Variants in CUL3 observed in about 807,000 individuals in gnomAD.
CUL3 encodes the protein cullin-3.
A neutral mutation model predicts 89.1 loss-of-function variants in CUL3; 19 were observed. The ratio of observed to expected loss-of-function variants is 0.21; its 90% CI spans 0.15 to 0.31. CUL3 has a LOEUF of 0.31. Ranked by LOEUF, CUL3 falls within the 10% of genes least tolerant of loss-of-function variation. The pLI is 1.00. For missense variants in CUL3, 469 were observed against 942.3 expected, an observed-to-expected ratio of 0.50 and a Z score of 6.58; for synonymous variants, 351 against 308.4, an observed-to-expected ratio of 1.14 and a Z score of -1.45.
At chr2:224,582,067 C>A (rs1456324876) in intron 1 of CUL3, among the ~76,000 whole-genome samples, 1 of 152,014 alleles carries the variant, frequency 6.6e-6, no homozygotes, top group South Asian at 2.1e-4. Flanking sequence ...CAGGTTCAAG[C>A]GATTTTCCAG....
chr2:224,503,625 C>G (rs986008627), intron 9 of CUL3, 27 bp downstream of exon 9: 1 of 1,526,928 alleles, frequency 6.5e-7, no homozygotes, highest in Middle Eastern at 1.8e-4. Flanking sequence ...GTTAGGTGCA[C>G]TCTATTTCAT....
At chr2:224,494,768 A>G (rs1692106214) in intron 13 of CUL3, among the ~76,000 whole-genome samples, 1 of 152,346 alleles carries the variant, frequency 6.6e-6, no homozygotes, top group East Asian at 1.9e-4. Flanking sequence ...TCGTAGACAT[A>G]CATGTAAAAG....
In CUL3 at chr2:224,471,310, A is replaced by G. The variant is rs1353345142; in HGVS notation, c.*2935T>C. The G allele has an allele frequency of 9.8e-6, 2 of 204,376 alleles. No homozygotes were observed. The highest frequency in any genetic ancestry group is 3.8e-4 in the South Asian group (2 of 5,266). The allele number at this position is 204,376 out of a possible 1,614,324, so 12.7% of individuals were successfully genotyped here. ...GTTACAGTAGACAGGCAAAGATAAA[A>G]ATCTTTAACACTAGTTACTGAAAAT... On this transcript the variant is annotated 3_prime_UTR_variant, in exon 16 of 16. Coordinates refer to ENST00000264414, the MANE Select transcript of CUL3 (RefSeq NM_003590.5).
chr2:224,584,438 G>A (rs1292962405), intron 1 of CUL3, among the ~76,000 whole-genome samples: 1 of 152,138 alleles, frequency 6.6e-6, no homozygotes, highest in African/African-American at 2.4e-5. Flanking sequence ...ACTGCGTCGG[G>A]GGCAGGTTGA....
Position 224,471,734 on chromosome 2 carries a change from C to G in CUL3, c.*2511G>C. ...TCCCTAATTGCAATGAATTTTCAGTCTTTAAATAATGTTAACGATTCAAAA... is the reference window on the plus strand; with the variant it reads ...TCCCTAATTGCAATGAATTTTCAGTGTTTAAATAATGTTAACGATTCAAAA... On this transcript the variant is annotated 3_prime_UTR_variant, in exon 16 of 16. Coordinates refer to ENST00000264414, the MANE Select transcript of CUL3 (RefSeq NM_003590.5). 2 of 224,602 alleles carry G rather than the reference C, an allele frequency of 8.9e-6. No homozygotes were observed. Among genetic ancestry groups the G allele is most frequent in the Non-Finnish European group, 1.8e-5 (2 of 112,702 alleles). 13.9% of individuals were successfully genotyped at this position (224,602 alleles called of 1,614,324 possible). A position where few individuals can be genotyped will look rare whatever the true frequency, so the allele number is the denominator to read the frequency against.
At chr2:224,565,390 G>A (rs1208769605) in intron 1 of CUL3, among the ~76,000 whole-genome samples, 6 of 152,174 alleles carry the variant, frequency 3.9e-5, no homozygotes, top group Non-Finnish European at 7.3e-5. Context: ...GGGTGGCACA[G>A]GCACAAGAGA....
chr2:224,489,097 T>G (rs933651559), intron 13 of CUL3, among the ~76,000 whole-genome samples: 1 of 151,790 alleles, frequency 6.6e-6, no homozygotes, highest in Non-Finnish European at 1.5e-5. Flanking sequence ...AACTAGGTAT[T>G]GAACATATCT....
rs1313095002 is a variant in CUL3 at position 224,585,122 on chromosome 2, C to A, written c.-113G>T. 2 of 794,942 alleles carry A rather than the reference C, an allele frequency of 2.5e-6. No individual in the cohort carries two copies. The highest frequency in any genetic ancestry group is 3.4e-6 in the Non-Finnish European group (2 of 587,404). The allele number at this position is 794,942 out of a possible 1,614,324, so 49.2% of individuals were successfully genotyped here. ...ACGCTGGGGGCGGCGGCGGCGCGAC[C>A]CCCGGGCAGGGCTGGGGAGCTGGCC... On this transcript the variant is annotated 5_prime_UTR_variant, in exon 1 of 16. Coordinates refer to ENST00000264414, the MANE Select transcript of CUL3 (RefSeq NM_003590.5).
intron 5 of CUL3, among the ~76,000 whole-genome samples, chr2:224,512,315 C>G (rs1391302045): frequency 6.6e-6 from 1 of 152,086 alleles, no homozygotes; most frequent in African/African-American, 2.4e-5. Flanking sequence ...CCAGGATGGT[C>G]TCAATCTCCT....
intron 2 of CUL3, among the ~76,000 whole-genome samples, chr2:224,542,795 T>C (rs1485507550): frequency 1.3e-5 from 2 of 152,144 alleles, no homozygotes; most frequent in Non-Finnish European, 2.9e-5. Flanking sequence ...GTCAAATTAC[T>C]GGTAAAGAGA....
In CUL3 at chr2:224,502,813, A is replaced by T. The variant is rs1050162008; in HGVS notation, c.1485+152T>A. ...TAACATAAACACAGAATAAGAGGCA[A>T]TGTGAAGGAAAATTAAGTACTCACA... On this transcript the variant is annotated intron_variant, in intron 10 of 15. Coordinates refer to ENST00000264414, the MANE Select transcript of CUL3 (RefSeq NM_003590.5). 5.0e-6 allele frequency: 3 copies of T among 601,190 alleles called. No individual in the cohort carries two copies. In the African/African-American group the frequency reaches 5.5e-5, roughly 11 times the overall value. 37.2% of individuals were successfully genotyped at this position (601,190 alleles called of 1,614,324 possible).
At chr2:224,575,017 G>A (rs1234947566) in intron 1 of CUL3, among the ~76,000 whole-genome samples, 1 of 152,198 alleles carries the variant, frequency 6.6e-6, no homozygotes, top group African/African-American at 2.4e-5. Context: ...TTACTATAAT[G>A]CAGAAGACAG....
intron 14 of CUL3, chr2:224,479,580 A>T (rs1287775505): frequency 6.6e-6 from 1 of 152,210 alleles, no homozygotes. Flanking sequence ...TATGGGTGGT[A>T]AACAGATGAC....
In CUL3 at chr2:224,546,296, C is replaced by A. The variant is rs373332853; in HGVS notation, c.265-10655G>T. Among the ~76,000 whole-genome samples the A allele has an allele frequency of 1.1e-4, 17 of 152,236 alleles. No homozygotes were observed. In the East Asian group the frequency reaches 2.3e-3, roughly 21 times the overall value. ...TTGTTCTCGAGTACGATGGAAAAAACCACCATGGTTTCTCAAGATAACATG... is the reference window on the plus strand; with the variant it reads ...TTGTTCTCGAGTACGATGGAAAAAAACACCATGGTTTCTCAAGATAACATG... On this transcript the variant is annotated intron_variant, in intron 2 of 15. Coordinates refer to ENST00000264414, the MANE Select transcript of CUL3 (RefSeq NM_003590.5).
chr2:224,505,424 A>T (rs1692561718), intron 8 of CUL3, among the ~76,000 whole-genome samples: 1 of 152,130 alleles, frequency 6.6e-6, no homozygotes, highest in Admixed American at 6.5e-5. Flanking sequence ...GGCATGAGCC[A>T]CCATACCTGG....
intron 1 of CUL3, among the ~76,000 whole-genome samples, chr2:224,571,265 A>G (rs1224691426): frequency 6.6e-6 from 1 of 152,196 alleles, no homozygotes; most frequent in Non-Finnish European, 1.5e-5. Context: ...ATTATATCTA[A>G]AATCAACACT....
chr2:224,532,647 C>T (rs1693738081), intron 3 of CUL3, among the ~76,000 whole-genome samples: 1 of 152,106 alleles, frequency 6.6e-6, no homozygotes, highest in Non-Finnish European at 1.5e-5. Flanking sequence ...TTTCTTACAA[C>T]ACATTTAGTT....
intron 2 of CUL3, among the ~76,000 whole-genome samples, chr2:224,547,713 C>A (rs540765593): frequency 6.6e-6 from 1 of 152,070 alleles, no homozygotes; most frequent in African/African-American, 2.4e-5. Flanking sequence ...TAACTCACTG[C>A]AGTCATTATA....
chr2:224,537,835 G>A (rs538063344), intron 2 of CUL3, among the ~76,000 whole-genome samples: 8 of 152,208 alleles, frequency 5.3e-5, no homozygotes, highest in African/African-American at 1.7e-4. Context: ...TTTGGAACAC[G>A]TAAATGTGCC....
Sources: allele counts gnomAD v4.1 joint callset (sites outside exome capture counted in the v4.1 genomes callset), GRCh38; gene constraint gnomAD v4.1.1; transcripts MANE v1.5; gene names NCBI Gene and HGNC (gene_info 2026-07-23, HGNC 2026-07-21).